Variants in SUCLG2 observed in about 807,000 individuals in gnomAD.
SUCLG2 encodes succinate--CoA ligase [GDP-forming] subunit beta, mitochondrial.
A neutral mutation model predicts 47.9 loss-of-function variants in SUCLG2; 42 were observed. That is an observed-to-expected ratio of 0.88 (90% CI 0.69 to 1.14). The LOEUF (loss-of-function observed/expected upper bound fraction) is 1.14. Among genes scored for constraint, SUCLG2 ranks in the 50% most tolerant of loss-of-function variants. The pLI is 0.00. For missense variants in SUCLG2, 571 were observed against 525.9 expected, an observed-to-expected ratio of 1.09 and a Z score of -0.84; for synonymous variants, 195 against 197.3, an observed-to-expected ratio of 0.99 and a Z score of 0.10.
At chr3:67,425,068 G>C (rs1559521162) in intron 9 of SUCLG2, among the ~76,000 whole-genome samples, 1 of 151,958 alleles carries the variant, frequency 6.6e-6, no homozygotes, top group Non-Finnish European at 1.5e-5. Context: ...TTTTGCATTT[G>C]AATTAAGCGC....
intron 10 of SUCLG2, among the ~76,000 whole-genome samples, chr3:67,367,603 T>C (rs1701893542): frequency 6.6e-6 from 1 of 152,194 alleles, no homozygotes; most frequent in South Asian, 2.1e-4. Context: ...AATTCTTTGC[T>C]GTGGAGGGCA....
intron 9 of SUCLG2, among the ~76,000 whole-genome samples, chr3:67,453,884 C>T (rs1389870941): frequency 1.3e-5 from 2 of 152,132 alleles, no homozygotes; most frequent in African/African-American, 2.4e-5. Flanking sequence ...AGAAATATAT[C>T]TAGATATAAC....
intron 9 of SUCLG2, among the ~76,000 whole-genome samples, chr3:67,416,463 C>G (rs956074296): frequency 6.6e-6 from 1 of 152,122 alleles, no homozygotes; most frequent in South Asian, 2.1e-4. Flanking sequence ...AAAAATCCCA[C>G]TATAATAATA....
At chr3:67,570,679 CT>C (rs1707583301) in intron 2 of SUCLG2, among the ~76,000 whole-genome samples, 2 of 152,156 alleles carry the variant, frequency 1.3e-5, no homozygotes, top group Non-Finnish European at 2.9e-5. Flanking sequence ...CTCGGGTGAG[CT>C]TCCCTGGCTG....
chr3:67,584,654 A>G (rs1391528511), intron 2 of SUCLG2, among the ~76,000 whole-genome samples: 1 of 152,190 alleles, frequency 6.6e-6, no homozygotes, highest in East Asian at 1.9e-4. Context: ...CTGCTGCTAT[A>G]AAGAACTGCC....
chr3:67,609,725 G>GAA, intron 1 of SUCLG2, 129 bp from the exon 2 acceptor site: 13 of 676,258 alleles, frequency 1.9e-5, no homozygotes, highest in Middle Eastern at 3.5e-4. Flanking sequence ...AGAAGCAAAA[G>GAA]AAAAAAAAAA....
intron 7 of SUCLG2, among the ~76,000 whole-genome samples, chr3:67,502,029 A>G (rs1298181184): frequency 6.6e-6 from 1 of 152,118 alleles, no homozygotes; most frequent in Non-Finnish European, 1.5e-5. Context: ...AGAACCCCCA[A>G]TTTACAGCTG....
intron 9 of SUCLG2, among the ~76,000 whole-genome samples, chr3:67,437,933 A>G (rs1703665017): frequency 6.6e-6 from 1 of 152,118 alleles, no homozygotes; most frequent in African/African-American, 2.4e-5. Flanking sequence ...GATGGAACTC[A>G]TTTGTTCCTT....
At chr3:67,377,279 A>C (rs4856856) in intron 10 of SUCLG2, among the ~76,000 whole-genome samples, 152,153 of 152,342 alleles carry the variant, frequency 1, 75,985 homozygotes, top group Middle Eastern at 1. Context: ...TAGTCTGCTT[A>C]CCTACTTGAA....
At chr3:67,617,414 AAAT>A (rs1412151890) in intron 1 of SUCLG2, among the ~76,000 whole-genome samples, 5 of 152,216 alleles carry the variant, frequency 3.3e-5, no homozygotes, top group Non-Finnish European at 7.3e-5. Flanking sequence ...GAAAGGAAAA[AAAT>A]AATAATGTCA....
rs547801941 is a variant in SUCLG2 at position 67,512,035 on chromosome 3, T to C, written c.661-3132A>G. Reference sequence around the variant, plus strand: ...GAGCTAATTTTTTATTTTAATTTTTTCTAGAGATGGGGGTCTCGCTATGTT... The same window carrying C: ...GAGCTAATTTTTTATTTTAATTTTTCCTAGAGATGGGGGTCTCGCTATGTT... On this transcript the variant is annotated intron_variant, in intron 6 of 10. Transcript: ENST00000307227. 1.3e-4 allele frequency among the ~76,000 whole-genome samples: 19 copies of C among 151,218 alleles called. No homozygotes were observed. The East Asian group carries it at 2.7e-3, about 21-fold the overall frequency.
At chr3:67,472,278 T>A (rs1320371613) in intron 9 of SUCLG2, among the ~76,000 whole-genome samples, 2 of 152,200 alleles carry the variant, frequency 1.3e-5, no homozygotes, top group Non-Finnish European at 2.9e-5. Flanking sequence ...GACTTGTACA[T>A]TAAAAAATAT....
intron 10 of SUCLG2, among the ~76,000 whole-genome samples, chr3:67,382,137 G>C (rs1702171646): frequency 6.6e-6 from 1 of 152,182 alleles, no homozygotes; most frequent in South Asian, 2.1e-4. Context: ...CACTTATTGA[G>C]TACATATTAG....
chr3:67,488,245 C>G (rs1705111789), intron 9 of SUCLG2, among the ~76,000 whole-genome samples: 1 of 151,808 alleles, frequency 6.6e-6, no homozygotes, highest in Non-Finnish European at 1.5e-5. Context: ...AAAATAAGGA[C>G]AAAAGACTAT....
chr3:67,372,618 A>G (rs1336257226), downstream of SUCLG2, among the ~76,000 whole-genome samples: 1 of 152,182 alleles, frequency 6.6e-6, no homozygotes, highest in Non-Finnish European at 1.5e-5. Flanking sequence ...GTGGTGATGG[A>G]AAGACAAAAA....
intron 2 of SUCLG2, among the ~76,000 whole-genome samples, chr3:67,587,852 C>T (rs2107270727): frequency 6.6e-6 from 1 of 152,210 alleles, no homozygotes; most frequent in East Asian, 1.9e-4. Context: ...ACTCTTAAAG[C>T]TTCTACCAGA....
At chr3:67,598,194 C>A (rs1298284461) in intron 2 of SUCLG2, among the ~76,000 whole-genome samples, 1 of 151,996 alleles carries the variant, frequency 6.6e-6, no homozygotes, top group Non-Finnish European at 1.5e-5. Flanking sequence ...GTTGCCCAGG[C>A]TGTTCTCGAA....
chr3:67,365,953 T>C (rs578079850), intron 10 of SUCLG2, among the ~76,000 whole-genome samples: 1 of 152,044 alleles, frequency 6.6e-6, no homozygotes, highest in African/African-American at 2.4e-5. Flanking sequence ...ATTGAATAGA[T>C]TTATAAATAG....
intron 9 of SUCLG2, among the ~76,000 whole-genome samples, chr3:67,413,663 T>C (rs559208810): frequency 1.3e-5 from 2 of 152,298 alleles, no homozygotes; most frequent in South Asian, 2.1e-4. Flanking sequence ...AGAAAAACCA[T>C]GCGGAAGGAA....
Sources: allele counts gnomAD v4.1 joint callset (sites outside exome capture counted in the v4.1 genomes callset), GRCh38; gene constraint gnomAD v4.1.1; transcripts MANE v1.5; gene names NCBI Gene and HGNC (gene_info 2026-07-23, HGNC 2026-07-21).